The following LARS2 variants were observed in gnomAD, a reference collection of about 807,000 sequenced individuals.
The protein encoded by LARS2 is leucyl-tRNA synthetase 2, mitochondrial.
In LARS2, 81 loss-of-function variants were observed where a neutral mutation model predicts 116.6. The observed-to-expected ratio is 0.69, with a 90% CI of 0.58 to 0.84. The LOEUF (loss-of-function observed/expected upper bound fraction) is 0.84. Among genes scored for constraint, LARS2 ranks in the 40% least tolerant of loss-of-function variants. The pLI, the probability that LARS2 is intolerant of heterozygous loss-of-function variation, is 0.00. For missense variants in LARS2, 968 were observed against 1,114.5 expected (o/e 0.87, Z 1.87); for synonymous variants, 396 against 407.2 (o/e 0.97, Z 0.33).
chr3:45,494,505 C>T (rs563585726), intron 13 of LARS2, among the ~76,000 whole-genome samples: 113 of 152,320 alleles, frequency 7.4e-4, no homozygotes, highest in African/African-American at 2.4e-3. Context: ...TTTGGAGGGG[C>T]GATGAGCTTC....
At chr3:45,394,374 G>A in intron 2 of LARS2, 59 bp from the exon 3 acceptor site, 1 of 920,300 alleles carries the variant, frequency 1.1e-6, no homozygotes. Context: ...CAAATGGAAA[G>A]ATAAGCTCTG....
chr3:45,482,915 C>T (rs1236170747), intron 10 of LARS2, among the ~76,000 whole-genome samples: 2 of 152,170 alleles, frequency 1.3e-5, no homozygotes, highest in South Asian at 2.1e-4. Context: ...AGTTGGTCTA[C>T]ACTTGATCTG....
chr3:45,514,781 C>T (rs1222253756), intron 16 of LARS2, among the ~76,000 whole-genome samples: 1 of 152,332 alleles, frequency 6.6e-6, no homozygotes, highest in Non-Finnish European at 1.5e-5. Context: ...ATTTGCATAA[C>T]AGTGTTTTAA....
intron 6 of LARS2, among the ~76,000 whole-genome samples, chr3:45,436,061 G>T (rs541288489): frequency 1.3e-5 from 2 of 151,972 alleles, no homozygotes; most frequent in African/African-American, 2.4e-5. Flanking sequence ...TCCGTGTCAC[G>T]TATGAAATAT....
At chr3:45,427,649 C>T (rs188117996) in intron 6 of LARS2, among the ~76,000 whole-genome samples, 46 of 152,138 alleles carry the variant, frequency 3.0e-4, no homozygotes, top group African/African-American at 1.1e-3. Context: ...GTATGTATAA[C>T]TTAATACATT....
intron 6 of LARS2, among the ~76,000 whole-genome samples, chr3:45,434,023 T>C (rs1698763399): frequency 6.6e-6 from 1 of 152,186 alleles, no homozygotes; most frequent in South Asian, 2.1e-4. Context: ...TTTTTTTCTT[T>C]AATTTTCAGA....
chr3:45,458,813 C>A lies in LARS2; in HGVS notation c.677C>A (p.Ser226Ter). Residue 226 changes from serine (S) to a stop codon, truncating the protein, a stop_gained, in exon 8 of 22, where the codon TCA becomes TAA. Transcript: ENST00000645846. LOFTEE classifies it high-confidence loss of function. ...GAGCAGGTGGATGAACATGGCTGTTCATGGCGTTCTGGAGCAAAGGTGGAA... is the reference window on the plus strand; with the variant it reads ...GAGCAGGTGGATGAACATGGCTGTTAATGGCGTTCTGGAGCAAAGGTGGAA... Reference protein sequence around the residue: ...ANEQVDEHGCSWRSGAKVEQK... With the variant: ...ANEQVDEHGC 6.2e-7 allele frequency: 1 copy of A among 1,614,066 alleles called. No individual in the cohort carries two copies. Among genetic ancestry groups the A allele is most frequent in the Non-Finnish European group, 8.5e-7 (1 of 1,179,952 alleles).
chr3:45,477,478 T>C (rs975939456), intron 10 of LARS2, among the ~76,000 whole-genome samples: 1 of 152,212 alleles, frequency 6.6e-6, no homozygotes, highest in African/African-American at 2.4e-5. Flanking sequence ...CTGCTGTAAC[T>C]GGGGCCCCCA....
chr3:45,498,932 T>TATAC (rs1423402230), intron 14 of LARS2, among the ~76,000 whole-genome samples: 1 of 152,220 alleles, frequency 6.6e-6, no homozygotes, highest in African/African-American at 2.4e-5. Flanking sequence ...CAGTAAGCAA[T>TATAC]ATACAGTCTC....
At chr3:45,394,168 G>A (rs113221553) in intron 2 of LARS2, among the ~76,000 whole-genome samples, 30 of 152,306 alleles carry the variant, frequency 2.0e-4, no homozygotes, top group African/African-American at 6.0e-4. Flanking sequence ...GTGAGGTTGC[G>A]CAGGAGCTGG....
chr3:45,439,028 C>T (rs943727262), intron 6 of LARS2, among the ~76,000 whole-genome samples: 5 of 152,076 alleles, frequency 3.3e-5, no homozygotes, highest in African/African-American at 1.2e-4. Context: ...TGTCCCTCTC[C>T]TGCATAAGGA....
At chr3:45,415,709 G>A (rs1242273316) in intron 4 of LARS2, among the ~76,000 whole-genome samples, 9 of 151,868 alleles carry the variant, frequency 5.9e-5, no homozygotes, top group Non-Finnish European at 8.8e-5. Context: ...TTAGCCGGGT[G>A]TGGGGGTATG....
intron 8 of LARS2, among the ~76,000 whole-genome samples, chr3:45,465,170 G>C (rs576309581): frequency 1.3e-3 from 203 of 152,176 alleles, no homozygotes; most frequent in Non-Finnish European, 2.4e-3. Context: ...CCAGTCCCAG[G>C]GATCTGGTTT....
At chr3:45,465,929 A>G (rs1057322569) in intron 8 of LARS2, among the ~76,000 whole-genome samples, 1 of 152,246 alleles carries the variant, frequency 6.6e-6, no homozygotes, top group Admixed American at 6.5e-5. Context: ...AAAGACAGGT[A>G]TGCTTGGTAC....
chr3:45,412,090 A>G (rs1468768823), intron 4 of LARS2, among the ~76,000 whole-genome samples: 63 of 152,078 alleles, frequency 4.1e-4, no homozygotes, highest in Non-Finnish European at 4.4e-5. Context: ...CCAGTCTACC[A>G]TTGATGGTCA....
intron 4 of LARS2, among the ~76,000 whole-genome samples, chr3:45,408,582 A>G (rs1698272136): frequency 6.6e-6 from 1 of 152,216 alleles, no homozygotes; most frequent in African/African-American, 2.4e-5. Flanking sequence ...GGAGGACAGG[A>G]GAAAGGGAGA....
intron 14 of LARS2, among the ~76,000 whole-genome samples, chr3:45,498,831 GAGT>G (rs2125738782): frequency 6.6e-6 from 1 of 152,332 alleles, no homozygotes; most frequent in Admixed American, 6.5e-5. Context: ...TAGGACCCAA[GAGT>G]ATGAGAAAGC....
intron 1 of LARS2, 40 bp from the exon 2 acceptor site, chr3:45,391,543 T>G (rs867896491): frequency 3.3e-5 from 5 of 151,902 alleles, no homozygotes; most frequent in Middle Eastern, 6.8e-3. Context: ...TTTAAAAATA[T>G]TCTAATTTAT....
intron 7 of LARS2, among the ~76,000 whole-genome samples, chr3:45,457,569 C>G (rs1329088964): frequency 6.6e-6 from 1 of 151,896 alleles, no homozygotes; most frequent in Admixed American, 6.6e-5. Flanking sequence ...TCCCAGCTAC[C>G]CAGGAGGCTG....
Sources: allele counts gnomAD v4.1 joint callset (sites outside exome capture counted in the v4.1 genomes callset), GRCh38; gene constraint gnomAD v4.1.1; transcripts MANE v1.5; gene names NCBI Gene and HGNC (gene_info 2026-07-23, HGNC 2026-07-21).